Variants in CSPG4 observed in about 807,000 individuals in gnomAD.
The protein encoded by CSPG4 is chondroitin sulfate proteoglycan 4, also known as chondroitin sulfate proteoglycan 4 (melanoma-associated).
In CSPG4, 74 loss-of-function variants were observed where a neutral mutation model predicts 139.3. The ratio of observed to expected loss-of-function variants is 0.53; its 90% CI spans 0.44 to 0.64. CSPG4 has a LOEUF of 0.64. Among genes scored for constraint, CSPG4 ranks in the 30% least tolerant of loss-of-function variants. The pLI is 0.00. For missense variants in CSPG4, 2,565 were observed against 3,148.3 expected (o/e 0.81, Z 4.43); for synonymous variants, 1,234 against 1,394.2 (o/e 0.89, Z 2.56).
At chr15:75,706,190 T>C (rs574992231) in intron 1 of CSPG4, among the ~76,000 whole-genome samples, 4 of 152,354 alleles carry the variant, frequency 2.6e-5, no homozygotes, top group African/African-American at 9.6e-5. Context: ...GGGAAGGGGC[T>C]GCTCTTAGGT....
chr15:75,688,758 G>C lies in CSPG4; in HGVS notation c.2307C>G (p.Ile769Met), dbSNP rs377476030. The C allele has an allele frequency of 1.9e-6, 3 of 1,612,668 alleles. No individual in the cohort carries two copies. The East Asian group carries it at 6.7e-5, about 36-fold the overall frequency. Reference protein sequence around the residue: ...LALEVQVGQEILSNLSFPVTI... With the variant: ...LALEVQVGQEMLSNLSFPVTI... Reference sequence around the variant, plus strand: ...TCACTGGGAAGGACAGATTGCTCAGGATCTCCTGGCCCACCTGCACCTCCA... The same window carrying C: ...TCACTGGGAAGGACAGATTGCTCAGCATCTCCTGGCCCACCTGCACCTCCA... Residue 769 changes from isoleucine (I) to methionine (M), a missense_variant, in exon 3 of 10, where the codon ATC becomes ATG. Coordinates refer to ENST00000308508, the MANE Select transcript of CSPG4 (RefSeq NM_001897.5).
intron 5 of CSPG4, among the ~76,000 whole-genome samples, chr15:75,683,342 T>C (rs1480838825): frequency 6.6e-6 from 1 of 152,166 alleles, no homozygotes; most frequent in East Asian, 1.9e-4. Flanking sequence ...GCCCCAGCTC[T>C]TACCCTCACC....
At position 75,712,812 on chromosome 15, in the gene CSPG4, A is replaced by T. The variant is rs1156751623; in HGVS notation, c.-57T>A. On this transcript the variant is annotated 5_prime_UTR_variant, in exon 1 of 10. Transcript: ENST00000308508. ...AGCCAGCGGAGTCCTGGGAGCTGGGAGCTGAGTGGAGCGAGCGCGGCTCTG... is the reference window on the plus strand; with the variant it reads ...AGCCAGCGGAGTCCTGGGAGCTGGGTGCTGAGTGGAGCGAGCGCGGCTCTG... 1 of 1,418,638 alleles carries T rather than the reference A, an allele frequency of 7.0e-7. No individual in the cohort carries two copies. The highest frequency in any genetic ancestry group is 9.4e-7 in the Non-Finnish European group (1 of 1,062,172). The allele number at this position is 1,418,638 out of a possible 1,614,324, so 87.9% of individuals were successfully genotyped here.
chr15:75,677,239 C>T lies in CSPG4; in HGVS notation c.5280G>A (p.Leu1760=). 6.7e-7 allele frequency: 1 copy of T among 1,487,634 alleles called. No homozygotes were observed. The highest frequency in any genetic ancestry group is 9.0e-7 in the Non-Finnish European group (1 of 1,114,664). The allele number at this position is 1,487,634 out of a possible 1,614,324, so 92.2% of individuals were successfully genotyped here. The part of the protein sequence containing the change: ...QVTQFPSRGQ[L]LVSEEPLHAG... ...CATGGAGGGGCTCCTCGGACACCAA[C>T]AGCTGGCCCCGGCTGGGGAACTGTG... The change falls in exon 10 of 10, where the codon CTG becomes CTA. Residue 1760 remains leucine, a synonymous_variant. Transcript: ENST00000308508.
intron 2 of CSPG4, 68 bp downstream of exon 2, chr15:75,693,002 G>C: frequency 2.8e-6 from 2 of 722,774 alleles, no homozygotes; most frequent in South Asian, 1.9e-5. Context: ...GCCAGCTGGG[G>C]TTCACTCAAA....
In CSPG4 at chr15:75,687,663, G is replaced by T; in HGVS notation, c.3402C>A (p.Ser1134Arg). 1 of 1,612,918 alleles carries T rather than the reference G, an allele frequency of 6.2e-7. No individual in the cohort carries two copies. The highest frequency in any genetic ancestry group is 1.3e-5 in the African/African-American group (1 of 75,058). Reference sequence around the variant, plus strand: ...CCTGGCCTCCTTGAGGGACCACAAGGCTGGAGCCGTTGGCCACACGGAGGT... The same window carrying T: ...CCTGGCCTCCTTGAGGGACCACAAGTCTGGAGCCGTTGGCCACACGGAGGT... ...EPYLRVANGS[S>R]LVVPQGGQGT... Residue 1134 changes from serine to arginine, a missense_variant, in exon 3 of 10, where the codon AGC becomes AGA. By Grantham distance (110) the Ser-to-Arg change is moderately radical. Around this residue, in one of 5 missense-constraint regions of CSPG4, gnomAD observed 2,316 missense variants for 2,818.2 expected, o/e 0.82. Coordinates refer to ENST00000308508, the MANE Select transcript of CSPG4 (RefSeq NM_001897.5). The surrounding 1 kb of genome is among the most constrained non-coding windows in gnomAD (Gnocchi z 5.4).
chr15:75,691,165 ACT>A (rs1894161244), intron 2 of CSPG4, among the ~76,000 whole-genome samples: 1 of 152,016 alleles, frequency 6.6e-6, no homozygotes, highest in Non-Finnish European at 1.5e-5. Flanking sequence ...CAAGAGCGAA[ACT>A]CTGTCTCAAA....
At chr15:75,708,937 G>A (rs1434910235) in intron 1 of CSPG4, among the ~76,000 whole-genome samples, 5 of 152,142 alleles carry the variant, frequency 3.3e-5, no homozygotes, top group Non-Finnish European at 5.9e-5. Flanking sequence ...TGGGGAGATC[G>A]CTTGAGCCTG....
Position 75,676,969 on chromosome 15 carries a change from G to A in CSPG4, c.5550C>T (p.Pro1850=), listed in dbSNP as rs901096407. The A allele has an allele frequency of 1.6e-5, 24 of 1,490,524 alleles. No individual in the cohort carries two copies. The highest frequency in any genetic ancestry group is 2.1e-5 in the Non-Finnish European group (23 of 1,115,734). The allele number at this position is 1,490,524 out of a possible 1,614,324, so 92.3% of individuals were successfully genotyped here. The change falls in exon 10 of 10, where the codon CCC becomes CCT. Residue 1850 remains proline (P), a synonymous_variant. Coordinates refer to ENST00000308508, the MANE Select transcript of CSPG4 (RefSeq NM_001897.5). ...PLRLTRGSRA[P]ISRAQLSVVD... ...CCACACTCAGCTGGGCCCGGGAGAT[G>A]GGGGCACGAGAGCCTCGGGTGAGCC...
chr15:75,676,210 C>A lies in CSPG4; in HGVS notation c.6309G>T (p.Glu2103Asp), dbSNP rs1330763679. 2 of 1,551,698 alleles carry A rather than the reference C, an allele frequency of 1.3e-6. No individual in the cohort carries two copies. The highest frequency in any genetic ancestry group is 1.9e-5 in the Admixed American group (1 of 52,208). ...RVVRVPRART[E>D]PGGSQLVEQF... The stretch of plus-strand genomic sequence containing the variant: ...GCTCCACCAGCTGGCTGCCCCCGGG[C>A]TCCGTCCTGGCTCGGGGCACGCGGA... The change falls in exon 10 of 10, where the codon GAG becomes GAT. Residue 2103 changes from glutamate to aspartate, a missense_variant. This residue lies in a region of CSPG4 where 2,316 missense variants were observed against 2,818.2 expected (regional missense o/e 0.82). Transcript: ENST00000308508.
At position 75,676,882 on chromosome 15, in the gene CSPG4, G is replaced by A. The variant is rs771427360; in HGVS notation, c.5637C>T (p.Gly1879=). ...GGCCACCACCCACCAGGCTGAGGAAGCCGTTGTGGGGTGCCCGCTGGACCT... is the reference window on the plus strand; with the variant it reads ...GGCCACCACCCACCAGGCTGAGGAAACCGTTGTGGGGTGCCCGCTGGACCT... The part of the protein sequence containing the change: ...EYEVQRAPHN[G]FLSLVGGGLG... Residue 1879 remains glycine (G), a synonymous_variant, in exon 10 of 10, where the codon GGC becomes GGT. Transcript: ENST00000308508. The A allele has an allele frequency of 2.3e-5, 37 of 1,591,268 alleles. No individual in the cohort carries two copies. The highest frequency in any genetic ancestry group is 3.1e-5 in the Non-Finnish European group (36 of 1,169,320).
At chr15:75,695,439 T>A (rs1484647358) in intron 1 of CSPG4, among the ~76,000 whole-genome samples, 1 of 152,164 alleles carries the variant, frequency 6.6e-6, no homozygotes. Flanking sequence ...TGCTGCTTCC[T>A]GTGGGGCTGA....
At chr15:75,693,650 C>T (rs535951932) in intron 1 of CSPG4, among the ~76,000 whole-genome samples, 2 of 152,342 alleles carry the variant, frequency 1.3e-5, no homozygotes, top group Admixed American at 1.3e-4. Flanking sequence ...GTCACAGCCC[C>T]AAGGAATGGA....
chr15:75,689,524 G>A lies in CSPG4; in HGVS notation c.1541C>T (p.Thr514Ile), dbSNP rs1205130284. ...ARFIHDGSED[T>I]SDQLVLEVSV... is the part of the protein sequence containing the mutation. ...CACCTCCAGCACCAGCTGGTCGGAG[G>A]TGTCCTCAGAGCCATCGTGGATGAA... The change falls in exon 3 of 10, where the codon ACC (threonine) becomes ATC (isoleucine). Residue 514 changes from threonine (T) to isoleucine (I), a missense_variant. Thr to Ile is a moderately conservative substitution (Grantham distance 89). Coordinates refer to ENST00000308508, the MANE Select transcript of CSPG4 (RefSeq NM_001897.5). The A allele has an allele frequency of 1.9e-6, 3 of 1,612,858 alleles. No homozygotes were observed. Among genetic ancestry groups the A allele is most frequent in the Non-Finnish European group, 2.5e-6 (3 of 1,179,878 alleles).
rs139591720 is a variant in CSPG4, at chr15:75,690,652, G to A, written c.413C>T (p.Ala138Val). 99 of 1,611,974 alleles carry A rather than the reference G, an allele frequency of 6.1e-5. No individual in the cohort carries two copies. Among genetic ancestry groups the A allele is most frequent in the Non-Finnish European group, 8.3e-5 (98 of 1,179,958 alleles). The part of the protein sequence containing the change: ...FLNASSAVPG[A>V]PLEVPYGLFV... The stretch of plus-strand genomic sequence containing the variant: ...GAGCCCATAGGGGACCTCTAGGGGG[G>A]CTCCTGGGACTGCTGAGGAGGCGTT... The change falls in exon 3 of 10, where the codon GCC becomes GTC. Residue 138 changes from alanine to valine, a missense_variant. This residue lies in a region of CSPG4 where 132 missense variants were observed against 132.3 expected (regional missense o/e 1.00). Coordinates refer to ENST00000308508, the MANE Select transcript of CSPG4 (RefSeq NM_001897.5).
chr15:75,678,025 C>T, intron 8 of CSPG4, 139 bp from the exon 9 acceptor site: 1 of 718,624 alleles, frequency 1.4e-6, no homozygotes, highest in Non-Finnish European at 2.2e-6. Context: ...CTGTCTCCCT[C>T]ACTAACTCAC....
chr15:75,703,575 C>T (rs572461666), intron 1 of CSPG4, among the ~76,000 whole-genome samples: 4 of 152,290 alleles, frequency 2.6e-5, no homozygotes, highest in African/African-American at 4.8e-5. Context: ...TTGGAGGCAA[C>T]GCAATGCGGT....
chr15:75,695,722 T>C (rs1894218486), intron 1 of CSPG4, among the ~76,000 whole-genome samples: 3 of 151,660 alleles, frequency 2.0e-5, no homozygotes. Flanking sequence ...TAAGATGTAA[T>C]AAGCTAGGAG....
chr15:75,688,706 G>T lies in CSPG4; in HGVS notation c.2359C>A (p.Leu787Met). The T allele has an allele frequency of 6.2e-7, 1 of 1,610,686 alleles. No homozygotes were observed. The highest frequency in any genetic ancestry group is 1.1e-5 in the South Asian group (1 of 90,906). ...TGAGTGTGCAGTGGCTCCAGCCGCAGCATCCACACAGTGGCTCTCTGGATG... is the reference window on the plus strand; with the variant it reads ...TGAGTGTGCAGTGGCTCCAGCCGCATCATCCACACAGTGGCTCTCTGGATG... ...VTIQRATVWMLRLEPLHTQNT... is the reference protein window; with the variant it reads ...VTIQRATVWMMRLEPLHTQNT... The change falls in exon 3 of 10, where the codon CTG (leucine) becomes ATG (methionine). Residue 787 changes from leucine to methionine, a missense_variant. By Grantham distance (15) the Leu-to-Met change is conservative. Coordinates refer to ENST00000308508, the MANE Select transcript of CSPG4 (RefSeq NM_001897.5).
Sources: allele counts gnomAD v4.1 joint callset (sites outside exome capture counted in the v4.1 genomes callset), GRCh38; gene constraint gnomAD v4.1.1; regional missense constraint gnomAD v4.1.1; non-coding constraint Gnocchi (gnomAD v3.1); transcripts MANE v1.5; gene names NCBI Gene and HGNC (gene_info 2026-07-23, HGNC 2026-07-21).